RASAL2: variants seen among roughly 807,000 people sequenced by gnomAD.
RASAL2 encodes RAS protein activator like 2, also known as ras GTPase-activating protein nGAP.
RASAL2 carries 58 observed loss-of-function variants against 128.9 expected under a neutral mutation model. That is an observed-to-expected ratio of 0.45 (90% CI 0.36 to 0.56). The LOEUF is 0.56. Among genes scored for constraint, RASAL2 ranks in the 20% least tolerant of loss-of-function variants. The pLI is 0.00. For synonymous variants in RASAL2, 561 were observed against 580.8 expected (o/e 0.97, Z 0.49); for missense variants, 1,360 against 1,601.6 (o/e 0.85, Z 2.57).
At chr1:178,421,374 G>C (rs913818158) in intron 5 of RASAL2, among the ~76,000 whole-genome samples, 1 of 152,008 alleles carries the variant, frequency 6.6e-6, no homozygotes, top group Non-Finnish European at 1.5e-5. Context: ...TCTCGATAAT[G>C]TTCAAAATTT....
chr1:178,439,501 G>C lies in RASAL2; in HGVS notation c.754G>C (p.Asp252His). 1.2e-6 allele frequency: 2 copies of C among 1,612,906 alleles called. No homozygotes were observed. Among genetic ancestry groups the C allele is most frequent in the Non-Finnish European group, 1.7e-6 (2 of 1,179,282 alleles). ...LSPCSTVECL[D>H]LGRGEPVSVK... ...CCCATGCAGCACAGTGGAATGTCTG[G>C]ATCTTGGTAGAGGGGAACCTGTATC... The change falls in exon 6 of 18, where the codon GAT becomes CAT. Residue 252 changes from aspartate to histidine, a missense_variant. This residue lies in a region of RASAL2 where 617 missense variants were observed against 714.2 expected (regional missense o/e 0.86). Coordinates refer to ENST00000367649, the MANE Select transcript of RASAL2 (RefSeq NM_170692.4).
Position 178,457,740 on chromosome 1 carries a change from G to A in RASAL2, c.2448G>A (p.Gly816=). The A allele has an allele frequency of 6.2e-7, 1 of 1,614,164 alleles. No homozygotes were observed. The highest frequency in any genetic ancestry group is 8.5e-7 in the Non-Finnish European group (1 of 1,180,012). Reference sequence around the variant, plus strand: ...ACAACACAGACAGCTACTTCAGAGGGAAAACATTATTGCTGGTTCAGCAAG... The same window carrying A: ...ACAACACAGACAGCTACTTCAGAGGAAAAACATTATTGCTGGTTCAGCAAG... ...SQDNTDSYFR[G]KTLLLVQQAS... is the part of the protein sequence containing the mutation. The change falls in exon 14 of 18, where the codon GGG becomes GGA. Residue 816 remains glycine (G), a synonymous_variant. Coordinates refer to ENST00000367649, the MANE Select transcript of RASAL2 (RefSeq NM_170692.4).
At chr1:178,209,438 A>C (rs1571634018) in intron 1 of RASAL2, among the ~76,000 whole-genome samples, 1 of 152,300 alleles carries the variant, frequency 6.6e-6, no homozygotes, top group Non-Finnish European at 1.5e-5. Flanking sequence ...ACAGGCTTTC[A>C]GTATTTTAGA....
chr1:178,435,979 AGAGGAGT>A (rs1447768292), intron 5 of RASAL2, among the ~76,000 whole-genome samples: 8 of 152,244 alleles, frequency 5.3e-5, no homozygotes, highest in African/African-American at 1.9e-4. Flanking sequence ...GCTTTCTGTT[AGAGGAGT>A]AAACTCTGGT....
intron 17 of RASAL2, among the ~76,000 whole-genome samples, chr1:178,469,486 A>G (rs1484372769): frequency 6.6e-6 from 1 of 152,140 alleles, no homozygotes; most frequent in Admixed American, 6.5e-5. Flanking sequence ...GGTAAAAGCC[A>G]GGGAGGGAAT....
Position 178,189,734 on chromosome 1 carries a change from C to G in RASAL2, c.203-93830C>G, listed in dbSNP as rs189192404. Reference sequence around the variant, plus strand: ...TCCCTGGGAGTACAAAGATAATCCTCTGGGGTTCAGGATAAAATTATTAGC... The same window carrying G: ...TCCCTGGGAGTACAAAGATAATCCTGTGGGGTTCAGGATAAAATTATTAGC... On this transcript the variant is annotated intron_variant, in intron 1 of 17. Coordinates refer to ENST00000367649, the MANE Select transcript of RASAL2 (RefSeq NM_170692.4). Among the ~76,000 whole-genome samples the G allele has an allele frequency of 1.7e-3, 257 of 152,244 alleles. 3 individuals are homozygous for G. The highest frequency in any genetic ancestry group is 0.015 in the Admixed American group (236 of 15,288).
intron 1 of RASAL2, among the ~76,000 whole-genome samples, chr1:178,247,341 G>A (rs1265720834): frequency 6.6e-6 from 1 of 151,282 alleles, no homozygotes; most frequent in African/African-American, 2.4e-5. Context: ...TAGAATTTCC[G>A]TTTTTTTTGC....
chr1:178,408,419 A>AT lies in RASAL2; in HGVS notation c.565-12085dup, dbSNP rs570130473. On this transcript the variant is annotated intron_variant, in intron 4 of 17. Coordinates refer to ENST00000367649, the MANE Select transcript of RASAL2 (RefSeq NM_170692.4). ...ATCTATTTTTAAATTTTATATTTGG[A>AT]TTTTTTTATTTTATACTCAGTGACC... 8.3e-4 allele frequency among the ~76,000 whole-genome samples: 127 copies of AT among 152,184 alleles called. 1 individual carries two copies. The highest frequency in any genetic ancestry group is 2.9e-3 in the African/African-American group (120 of 41,532).
intron 6 of RASAL2, among the ~76,000 whole-genome samples, chr1:178,441,140 A>G (rs895663286): frequency 2.1e-5 from 3 of 143,360 alleles, no homozygotes; most frequent in African/African-American, 7.8e-5. Context: ...GTAGATGTAG[A>G]TATAAGTATC....
At chr1:178,324,226 T>C (rs1323003826) in intron 3 of RASAL2, among the ~76,000 whole-genome samples, 1 of 152,168 alleles carries the variant, frequency 6.6e-6, no homozygotes, top group East Asian at 1.9e-4. Flanking sequence ...CTAGGTGTTA[T>C]GTTTCTCATC....
intron 5 of RASAL2, among the ~76,000 whole-genome samples, chr1:178,436,589 T>C (rs925956195): frequency 6.6e-6 from 1 of 152,104 alleles, no homozygotes; most frequent in Non-Finnish European, 1.5e-5. Flanking sequence ...CGGTAGGCAC[T>C]GTAAAGGAAA....
intron 1 of RASAL2, among the ~76,000 whole-genome samples, chr1:178,095,681 G>A (rs939706398): frequency 6.6e-6 from 1 of 152,130 alleles, no homozygotes; most frequent in Admixed American, 6.6e-5. Context: ...CAGGGTATAT[G>A]CTTACTATTC....
At chr1:178,291,402 T>C (rs1667275319) in intron 2 of RASAL2, among the ~76,000 whole-genome samples, 1 of 152,186 alleles carries the variant, frequency 6.6e-6, no homozygotes, top group Non-Finnish European at 1.5e-5. Flanking sequence ...CTCTGTGGAT[T>C]ATATGGAAAA....
At chr1:178,469,242 A>G (rs1024892938) in intron 17 of RASAL2, among the ~76,000 whole-genome samples, 1 of 152,058 alleles carries the variant, frequency 6.6e-6, no homozygotes, top group African/African-American at 2.4e-5. Context: ...GGCTGTGGTG[A>G]GCCATATTTG....
intron 1 of RASAL2, among the ~76,000 whole-genome samples, chr1:178,232,022 A>G (rs1664030169): frequency 6.6e-6 from 1 of 152,208 alleles, no homozygotes; most frequent in Non-Finnish European, 1.5e-5. Flanking sequence ...ATAATAAGAA[A>G]AAGACTTAGT....
intron 14 of RASAL2, among the ~76,000 whole-genome samples, chr1:178,463,485 C>G (rs891500852): frequency 1.2e-4 from 18 of 152,102 alleles, no homozygotes; most frequent in Admixed American, 1.2e-3. Flanking sequence ...ATGAGATGAT[C>G]AAGATAGGTG....
intron 2 of RASAL2, among the ~76,000 whole-genome samples, chr1:178,295,834 C>T (rs1370905535): frequency 6.6e-6 from 1 of 152,074 alleles, no homozygotes; most frequent in Non-Finnish European, 1.5e-5. Flanking sequence ...CTGAAAAATC[C>T]TCTTAAGCAT....
At chr1:178,227,371 A>C (rs1663831738) in intron 1 of RASAL2, among the ~76,000 whole-genome samples, 1 of 152,216 alleles carries the variant, frequency 6.6e-6, no homozygotes, top group African/African-American at 2.4e-5. Flanking sequence ...TGCTTAGTGC[A>C]GGGAATTTTA....
chr1:178,263,311 T>G (rs1027319624), intron 1 of RASAL2, among the ~76,000 whole-genome samples: 2 of 152,174 alleles, frequency 1.3e-5, no homozygotes, highest in African/African-American at 4.8e-5. Context: ...CCAAGCACTG[T>G]TTGTAATGCT....
Sources: gnomAD v4.1 joint callset for allele counts (sites outside exome capture counted in the v4.1 genomes callset) on GRCh38, gnomAD v4.1.1 for gene constraint, gnomAD v4.1.1 regional missense constraint, MANE v1.5 for transcripts, NCBI Gene and HGNC (gene_info 2026-07-23, HGNC 2026-07-21) for gene names.